SH3PXD2A: variants seen among roughly 807,000 people sequenced by gnomAD.
SH3PXD2A encodes the protein SH3 and PX domain-containing protein 2A.
A neutral mutation model predicts 115.2 loss-of-function variants in SH3PXD2A; 32 were observed. The ratio of observed to expected loss-of-function variants is 0.28; its 90% confidence interval spans 0.21 to 0.37. The LOEUF is 0.37. Ranked by LOEUF, SH3PXD2A falls within the 10% of genes least tolerant of loss-of-function variation. The pLI is 1.00. For synonymous variants in SH3PXD2A, 610 were observed against 629.1 expected, an observed-to-expected ratio of 0.97 and a Z score of 0.45; for missense variants, 1,328 against 1,498.7, an observed-to-expected ratio of 0.89 and a Z score of 1.88.
chr10:103,823,852 C>T (rs761278693), intron 1 of SH3PXD2A, among the ~76,000 whole-genome samples: 3 of 152,122 alleles, frequency 2.0e-5, no homozygotes, highest in Non-Finnish European at 2.9e-5. Context: ...AGAAGGGCAG[C>T]GGGCAGGGGA....
At position 103,603,342 on chromosome 10, in the gene SH3PXD2A, G is replaced by T; in HGVS notation, c.1876C>A (p.Arg626=). The T allele has an allele frequency of 6.2e-7, 1 of 1,614,172 alleles. No individual in the cohort carries two copies. Among genetic ancestry groups the T allele is most frequent in the South Asian group, 1.1e-5 (1 of 91,084 alleles). ...EETIYENEGF[R]PYAEDTLSAR... is the part of the protein sequence containing the mutation. ...GACAGGGTGTCCTCTGCATATGGCC[G>T]GAAGCCCTCATTCTCATAGATGGTC... The change falls in exon 15 of 15, where the codon CGG becomes AGG. Residue 626 remains arginine (R), a synonymous_variant. Transcript: ENST00000369774.
At chr10:103,830,505 G>T (rs765484803) in intron 1 of SH3PXD2A, among the ~76,000 whole-genome samples, 2 of 152,210 alleles carry the variant, frequency 1.3e-5, no homozygotes, top group Non-Finnish European at 2.9e-5. Flanking sequence ...AGAAATCTTT[G>T]TGGAGGTTTT....
intron 8 of SH3PXD2A, among the ~76,000 whole-genome samples, chr10:103,653,841 C>G (rs1332330880): frequency 1.3e-5 from 2 of 152,132 alleles, no homozygotes; most frequent in East Asian, 3.9e-4. Flanking sequence ...CCCCACACAG[C>G]CCGGAGGGCT....
chr10:103,789,862 A>C (rs17115986), intron 2 of SH3PXD2A, among the ~76,000 whole-genome samples: 16,572 of 152,130 alleles, frequency 0.11, 1,402 homozygotes, highest in East Asian at 0.33. Flanking sequence ...AACAGTCATG[A>C]AGGTGGTGTG....
rs148020222 is a variant in SH3PXD2A, at chr10:103,821,458, G to A, written c.73-20096C>T. ...TTCTTTTTATTTCCTAGATTTCCTG[G>A]GAATTCTAACACCAGTGGCAGTGCC... On this transcript the variant is annotated intron_variant, in intron 1 of 14. Transcript: ENST00000369774. Among the ~76,000 whole-genome samples, 33 of 152,174 alleles carry A rather than the reference G, an allele frequency of 2.2e-4. No homozygotes were observed. In the East Asian group the frequency reaches 6.4e-3, roughly 29 times the overall value.
At chr10:103,668,701 G>C in intron 6 of SH3PXD2A, 49 bp from the exon 7 acceptor site, 3 of 1,526,406 alleles carry the variant, frequency 2.0e-6, no homozygotes, top group Non-Finnish European at 2.7e-6. Context: ...GAACCAGAGA[G>C]AGAGAACGGT....
intron 1 of SH3PXD2A, among the ~76,000 whole-genome samples, chr10:103,812,517 A>T (rs1445660616): frequency 6.6e-6 from 1 of 152,122 alleles, no homozygotes; most frequent in African/African-American, 2.4e-5. Context: ...TGGGATTCTC[A>T]TTCCACACAC....
At chr10:103,716,171 C>A (rs1271773725) in intron 5 of SH3PXD2A, among the ~76,000 whole-genome samples, 1 of 152,212 alleles carries the variant, frequency 6.6e-6, no homozygotes, top group East Asian at 1.9e-4. Context: ...AGCCCCTGCA[C>A]CACCTTAACC....
chr10:103,804,166 A>G (rs57229380), intron 1 of SH3PXD2A, among the ~76,000 whole-genome samples: 4,412 of 152,218 alleles, frequency 0.029, 202 homozygotes, highest in African/African-American at 0.096. Flanking sequence ...TTGATGCTGC[A>G]GGAGTATAAT....
rs746003902 is a variant in SH3PXD2A at position 103,602,156 on chromosome 10, G to A, written c.3062C>T (p.Ala1021Val). The change falls in exon 15 of 15, where the codon GCT (alanine) becomes GTT (valine). Residue 1021 changes from alanine to valine, a missense_variant. Ala to Val is a moderately conservative substitution (Grantham distance 64). This residue lies in a region of SH3PXD2A where 574 missense variants were observed against 565.7 expected (regional missense o/e 1.01). Transcript: ENST00000369774. ...GVRRNSSFST[A>V]RSAAAEAKGR... ...CTTGGCCTCGGCGGCAGCGGAGCGAGCAGTGCTAAAGGAGGAGTTCCGTCG... is the reference window on the plus strand; with the variant it reads ...CTTGGCCTCGGCGGCAGCGGAGCGAACAGTGCTAAAGGAGGAGTTCCGTCG... 18 of 1,575,702 alleles carry A rather than the reference G, an allele frequency of 1.1e-5. No homozygotes were observed. The highest frequency in any genetic ancestry group is 1.4e-5 in the African/African-American group (1 of 74,034).
chr10:103,645,785 C>A (rs2037026920), intron 8 of SH3PXD2A, among the ~76,000 whole-genome samples: 2 of 152,184 alleles, frequency 1.3e-5, no homozygotes, highest in South Asian at 4.2e-4. Context: ...CTCCTGGGTG[C>A]AACTCAGGGC....
intron 3 of SH3PXD2A, among the ~76,000 whole-genome samples, chr10:103,750,433 G>A (rs926772746): frequency 2.6e-5 from 4 of 152,178 alleles, no homozygotes; most frequent in East Asian, 3.8e-4. Context: ...CACTCCTTTT[G>A]GAAGGACAGG....
intron 6 of SH3PXD2A, among the ~76,000 whole-genome samples, chr10:103,674,823 AAAACAAACAAAC>A (rs58728932): frequency 6.6e-6 from 1 of 151,536 alleles, no homozygotes; most frequent in Non-Finnish European, 1.5e-5. Context: ...CTGTCTCTTA[AAAACAAACAAAC>A]AAACAAACAA....
chr10:103,798,900 C>A (rs1286636282), intron 2 of SH3PXD2A, among the ~76,000 whole-genome samples: 1 of 152,166 alleles, frequency 6.6e-6, no homozygotes, highest in Non-Finnish European at 1.5e-5. Context: ...GGTCTCCAGC[C>A]CCTAGACGCC....
At chr10:103,698,926 G>A (rs774746223) in intron 5 of SH3PXD2A, among the ~76,000 whole-genome samples, 10 of 152,062 alleles carry the variant, frequency 6.6e-5, no homozygotes, top group Non-Finnish European at 1.2e-4. Flanking sequence ...CTACAAGCAG[G>A]AGCAAGCAGC....
chr10:103,762,199 G>C (rs1202953749), intron 3 of SH3PXD2A, among the ~76,000 whole-genome samples: 6 of 151,900 alleles, frequency 3.9e-5, no homozygotes, highest in Non-Finnish European at 8.8e-5. Flanking sequence ...CTTTTTGGTT[G>C]TATTTTTAGC....
chr10:103,732,357 G>A (rs547673238), intron 4 of SH3PXD2A, among the ~76,000 whole-genome samples: 44 of 152,244 alleles, frequency 2.9e-4, no homozygotes, highest in Middle Eastern at 3.4e-3. Context: ...CCACGTTTCC[G>A]TTTAAATTAA....
chr10:103,697,594 GC>G (rs1255088053), intron 5 of SH3PXD2A, among the ~76,000 whole-genome samples: 2 of 152,182 alleles, frequency 1.3e-5, no homozygotes, highest in Non-Finnish European at 2.9e-5. Context: ...ATGGACGCAC[GC>G]CTCTGGACCC....
intron 5 of SH3PXD2A, among the ~76,000 whole-genome samples, chr10:103,713,802 C>G (rs549098928): frequency 3.3e-5 from 5 of 152,234 alleles, no homozygotes; most frequent in Non-Finnish European, 7.3e-5. Flanking sequence ...CCAGGCCACA[C>G]AGCAGGTGGG....
Sources: allele counts gnomAD v4.1 joint callset (sites outside exome capture counted in the v4.1 genomes callset), GRCh38; gene constraint gnomAD v4.1.1; regional missense constraint gnomAD v4.1.1; transcripts MANE v1.5; gene names NCBI Gene and HGNC (gene_info 2026-07-23, HGNC 2026-07-21).